Variants in MED13L observed in about 807,000 individuals in gnomAD.
MED13L encodes mediator complex subunit 13L, also known as mediator of RNA polymerase II transcription subunit 13-like.
MED13L carries 7 observed loss-of-function variants against 220.9 expected under a neutral mutation model. That is an observed-to-expected ratio of 0.03 (90% CI 0.02 to 0.06). The LOEUF (loss-of-function observed/expected upper bound fraction) is 0.06, where lower values mean the gene tolerates loss of function less well. Ranked by LOEUF, MED13L falls within the 10% of genes least tolerant of loss-of-function variation. MED13L has a pLI of 1.00. For synonymous variants in MED13L, 1,011 were observed against 1,015.2 expected (o/e 1.00, Z 0.08); for missense variants, 1,965 against 2,760.5 (o/e 0.71, Z 6.46).
chr12:116,224,176 T>A (rs181769284), intron 2 of MED13L, among the ~76,000 whole-genome samples: 3 of 152,166 alleles, frequency 2.0e-5, no homozygotes, highest in East Asian at 3.9e-4. Flanking sequence ...AGATCCCAAC[T>A]ACCTATGAAG....
intron 2 of MED13L, among the ~76,000 whole-genome samples, chr12:116,197,602 A>G (rs1881716581): frequency 6.6e-6 from 1 of 151,998 alleles, no homozygotes; most frequent in African/African-American, 2.4e-5. Context: ...CTCCATCTCT[A>G]CTAAAAATAC....
intron 2 of MED13L, among the ~76,000 whole-genome samples, chr12:116,232,732 G>C (rs556471214): frequency 1.3e-5 from 2 of 152,306 alleles, no homozygotes; most frequent in South Asian, 4.1e-4. Flanking sequence ...TTTCCAGATT[G>C]CATGTCTTTC....
chr12:116,219,210 T>C (rs1385966579), intron 2 of MED13L, among the ~76,000 whole-genome samples: 2 of 152,192 alleles, frequency 1.3e-5, no homozygotes, highest in East Asian at 1.9e-4. Flanking sequence ...TTAACTTATA[T>C]AGTGAATTTT....
intron 1 of MED13L, 48 bp downstream of exon 1, chr12:116,277,012 C>CT: frequency 1.6e-6 from 2 of 1,263,466 alleles, no homozygotes; most frequent in South Asian, 1.3e-5. Flanking sequence ...GGTCGGGGAC[C>CT]CCCCCCCTTC....
chr12:116,164,119 GGGT>G (rs1416958999), intron 2 of MED13L, among the ~76,000 whole-genome samples: 1 of 152,112 alleles, frequency 6.6e-6, no homozygotes, highest in Admixed American at 6.6e-5. Context: ...AGCTATGACT[GGGT>G]TCAATGCTTG....
chr12:116,167,005 A>T (rs985609771), intron 2 of MED13L, among the ~76,000 whole-genome samples: 1 of 152,312 alleles, frequency 6.6e-6, no homozygotes, highest in Middle Eastern at 3.4e-3. Flanking sequence ...TTCAAGTATG[A>T]AGACAAAATT....
At chr12:116,078,222 AAACATTC>A (rs1170438527) in intron 4 of MED13L, among the ~76,000 whole-genome samples, 1 of 152,064 alleles carries the variant, frequency 6.6e-6, no homozygotes. Flanking sequence ...ATAAAGACTC[AAACATTC>A]ATCCAATCAT....
intron 2 of MED13L, among the ~76,000 whole-genome samples, chr12:116,128,717 G>A (rs1268965118): frequency 2.0e-5 from 3 of 152,038 alleles, no homozygotes; most frequent in Admixed American, 1.3e-4. Context: ...CCTATCAGTC[G>A]TGTTCATTAT....
chr12:115,980,639 C>T (rs1420250211), intron 23 of MED13L, 111 bp downstream of exon 23: 3 of 1,143,986 alleles, frequency 2.6e-6, no homozygotes, highest in Non-Finnish European at 3.9e-6. Context: ...ACTCTTATAT[C>T]AATGTAGAAG....
chr12:115,975,780 A>T (rs761026997), intron 23 of MED13L, 42 bp from the exon 24 acceptor site: 1 of 1,579,202 alleles, frequency 6.3e-7, no homozygotes, highest in Non-Finnish European at 8.7e-7. Flanking sequence ...AAAGCCATAC[A>T]ACTTAATGAT....
chr12:115,975,727 T>C lies in MED13L; in HGVS notation c.5376A>G (p.Pro1792=), dbSNP rs779527731. The C allele has an allele frequency of 4.3e-6, 7 of 1,613,774 alleles. No individual in the cohort carries two copies. The Admixed American group carries it at 5.0e-5, about 12-fold the overall frequency. ...MTLKNPERPS[P]IQLYSPPFIL... is the part of the protein sequence containing the mutation. ...TAAAGGGAGGGGAGTAAAGCTGGAT[T>C]GGGCTGGGCCGCTGAAATCAAAACC... Residue 1792 remains proline, a synonymous_variant, in exon 24 of 31, where the codon CCA becomes CCG. Coordinates refer to ENST00000281928, the MANE Select transcript of MED13L (RefSeq NM_015335.5).
At chr12:115,975,837 G>A in intron 23 of MED13L, 99 bp from the exon 24 acceptor site, 1 of 1,125,548 alleles carries the variant, frequency 8.9e-7, no homozygotes, top group South Asian at 1.3e-5. Flanking sequence ...AGGGAGTAAT[G>A]GTAGTAAATC....
At chr12:116,056,080 G>C (rs1337471753) in intron 4 of MED13L, among the ~76,000 whole-genome samples, 2 of 151,854 alleles carry the variant, frequency 1.3e-5, no homozygotes, top group Admixed American at 6.6e-5. Context: ...GTAAGCTGCT[G>C]GCAGCCCAAA....
chr12:116,270,828 G>A (rs904884813), intron 1 of MED13L, among the ~76,000 whole-genome samples: 12 of 151,648 alleles, frequency 7.9e-5, no homozygotes, highest in Non-Finnish European at 1.5e-4. Context: ...GGATCACAAG[G>A]TCAAGAGATA....
intron 4 of MED13L, among the ~76,000 whole-genome samples, chr12:116,049,116 A>T (rs1882006100): frequency 6.6e-6 from 1 of 152,214 alleles, no homozygotes; most frequent in African/African-American, 2.4e-5. Flanking sequence ...TATTAACATG[A>T]TCTCATGTAC....
intron 2 of MED13L, among the ~76,000 whole-genome samples, chr12:116,235,813 T>G (rs1300293455): frequency 2.0e-5 from 3 of 152,170 alleles, no homozygotes; most frequent in Non-Finnish European, 4.4e-5. Context: ...ATCAACTAAA[T>G]AACCCTCATT....
chr12:116,025,050 A>C (rs1333272094), intron 4 of MED13L, among the ~76,000 whole-genome samples: 2 of 152,146 alleles, frequency 1.3e-5, no homozygotes, highest in Non-Finnish European at 2.9e-5. Flanking sequence ...CTTTGAAGTC[A>C]GGTAGTGTGA....
At chr12:116,253,138 T>C (rs1237330534) in intron 1 of MED13L, among the ~76,000 whole-genome samples, 1 of 143,472 alleles carries the variant, frequency 7.0e-6, no homozygotes, top group African/African-American at 2.6e-5. Context: ...GGTGCGCACC[T>C]GTAATCCCAG....
At chr12:116,236,028 A>G (rs1870049842) in intron 2 of MED13L, among the ~76,000 whole-genome samples, 1 of 152,232 alleles carries the variant, frequency 6.6e-6, no homozygotes, top group South Asian at 2.1e-4. Flanking sequence ...ATATGTTTTC[A>G]TATTTTAATG....
Sources: gnomAD v4.1 joint callset for allele counts (sites outside exome capture counted in the v4.1 genomes callset) on GRCh38, gnomAD v4.1.1 for gene constraint, MANE v1.5 for transcripts, NCBI Gene and HGNC (gene_info 2026-07-23, HGNC 2026-07-21) for gene names.